The following ARFGEF3 variants were observed in gnomAD, a reference collection of about 807,000 sequenced individuals.
ARFGEF3 encodes the protein brefeldin A-inhibited guanine nucleotide-exchange protein 3.
A neutral mutation model predicts 221.7 loss-of-function variants in ARFGEF3; 96 were observed. That is an observed-to-expected ratio of 0.43 (90% confidence interval 0.37 to 0.51). The LOEUF is 0.51. Among genes scored for constraint, ARFGEF3 ranks in the 20% least tolerant of loss-of-function variants. ARFGEF3 has a pLI of 0.00. For synonymous variants in ARFGEF3, 1,145 were observed against 1,126.8 expected, an observed-to-expected ratio of 1.02 and a Z score of -0.32; for missense variants, 2,410 against 2,789.9, an observed-to-expected ratio of 0.86 and a Z score of 3.07.
At chr6:138,245,114 C>T (rs140616972) in intron 7 of ARFGEF3, among the ~76,000 whole-genome samples, 1,953 of 152,172 alleles carry the variant, frequency 0.013, 42 homozygotes, top group African/African-American at 0.044. Context: ...CTAGCCTGGC[C>T]AACATAGTGA....
chr6:138,199,475 C>T (rs1777493889), intron 2 of ARFGEF3, among the ~76,000 whole-genome samples: 2 of 152,196 alleles, frequency 1.3e-5, no homozygotes, highest in South Asian at 2.1e-4. Context: ...TTAAAGTTCG[C>T]ATTTTCCCAA....
In ARFGEF3 at chr6:138,334,799, G is replaced by A. The variant is rs771574519; in HGVS notation, c.5953G>A (p.Asp1985Asn). 71 of 1,604,724 alleles carry A rather than the reference G, an allele frequency of 4.4e-5. No homozygotes were observed. The highest frequency in any genetic ancestry group is 5.7e-5 in the Non-Finnish European group (67 of 1,175,952). Residue 1985 changes from aspartate to asparagine, a missense_variant, in exon 33 of 34, where the codon GAC becomes AAC. Asp to Asn is a conservative substitution (Grantham distance 23). This residue lies in a region of ARFGEF3 where 339 missense variants were observed against 334.9 expected (regional missense o/e 1.01). Transcript: ENST00000251691. This position sits in a 1 kb window ranked among gnomAD's most constrained non-coding sequence, Gnocchi z 5.1. The stretch of plus-strand genomic sequence containing the variant: ...CCTGAGCCTGAAGGCCGGTGGTGGG[G>A]ACCTGCTGCTGCCCCCCAGCCCCAA... Reference protein sequence around the residue: ...ESLSLKAGGGDLLLPPSPKVE... With the variant: ...ESLSLKAGGGNLLLPPSPKVE...
intron 4 of ARFGEF3, among the ~76,000 whole-genome samples, chr6:138,221,507 G>A (rs1248771353): frequency 1.3e-5 from 2 of 152,204 alleles, no homozygotes; most frequent in Non-Finnish European, 2.9e-5. Flanking sequence ...ATTACAACCT[G>A]GGGAAAATGT....
At chr6:138,296,088 C>T (rs1779513727) in intron 20 of ARFGEF3, among the ~76,000 whole-genome samples, 9 of 152,068 alleles carry the variant, frequency 5.9e-5, no homozygotes, top group Admixed American at 5.9e-4. Flanking sequence ...AGTTTCTCAC[C>T]CTAGTTCAAG....
chr6:138,275,376 A>G (rs563460398), intron 12 of ARFGEF3, among the ~76,000 whole-genome samples: 2 of 152,306 alleles, frequency 1.3e-5, no homozygotes, highest in African/African-American at 4.8e-5. Flanking sequence ...TACTGCCCTC[A>G]AATATGGCAG....
chr6:138,228,610 T>C (rs1778135337), intron 4 of ARFGEF3, among the ~76,000 whole-genome samples: 1 of 152,190 alleles, frequency 6.6e-6, no homozygotes, highest in Admixed American at 6.5e-5. Flanking sequence ...AAAAAATCTT[T>C]TTTACCCCCC....
intron 2 of ARFGEF3, among the ~76,000 whole-genome samples, chr6:138,196,347 T>C (rs1347608541): frequency 6.6e-6 from 1 of 152,268 alleles, no homozygotes; most frequent in South Asian, 2.1e-4. Context: ...ACACCTAGGC[T>C]GTAGGCCTAT....
intron 12 of ARFGEF3, among the ~76,000 whole-genome samples, chr6:138,274,454 C>G (rs1474416610): frequency 6.6e-6 from 1 of 152,168 alleles, no homozygotes; most frequent in African/African-American, 2.4e-5. Flanking sequence ...CATGTTCTAA[C>G]CAAGGATGTA....
rs868226098 is a variant in ARFGEF3 at position 138,337,394 on chromosome 6, C to T, written c.*908C>T. The stretch of plus-strand genomic sequence containing the variant: ...TTTCCATGCCCCACAATTGTCTGAA[C>T]ATAAGGTATAGCATTTGGTTTTTAA... On this transcript the variant is annotated 3_prime_UTR_variant, in exon 34 of 34. Transcript: ENST00000251691. The T allele has an allele frequency of 2.6e-5, 4 of 152,568 alleles. No homozygotes were observed. Among genetic ancestry groups the T allele is most frequent in the African/African-American group, 9.7e-5 (4 of 41,406 alleles). The allele number at this position is 152,568 out of a possible 1,614,324, so 9.5% of individuals were successfully genotyped here. A position where few individuals can be genotyped will look rare whatever the true frequency, so the allele number is the denominator to read the frequency against.
chr6:138,328,242 T>G, intron 32 of ARFGEF3, 100 bp downstream of exon 32: 4 of 1,341,532 alleles, frequency 3.0e-6, no homozygotes, highest in Non-Finnish European at 4.0e-6. Context: ...CCAGAAATAC[T>G]GAAAACATTT....
intron 17 of ARFGEF3, among the ~76,000 whole-genome samples, chr6:138,288,326 A>C (rs1779333559): frequency 6.6e-6 from 1 of 152,160 alleles, no homozygotes; most frequent in Admixed American, 6.5e-5. Flanking sequence ...TTCAGGCTGC[A>C]GTGAGCAATA....
intron 2 of ARFGEF3, among the ~76,000 whole-genome samples, chr6:138,193,766 A>C (rs747301562): frequency 6.6e-6 from 1 of 152,238 alleles, no homozygotes; most frequent in African/African-American, 2.4e-5. Context: ...AAATTATAAT[A>C]CATCTATTTA....
intron 10 of ARFGEF3, among the ~76,000 whole-genome samples, chr6:138,258,230 C>T (rs951937441): frequency 8.5e-5 from 13 of 152,194 alleles, no homozygotes; most frequent in African/African-American, 2.9e-4. Context: ...TCAATTCCCA[C>T]CTCCCCGCCT....
At chr6:138,190,739 G>A (rs944697780) in intron 2 of ARFGEF3, among the ~76,000 whole-genome samples, 2 of 152,170 alleles carry the variant, frequency 1.3e-5, no homozygotes, top group Non-Finnish European at 2.9e-5. Flanking sequence ...GGGGATTATT[G>A]CAGTGGTGCC....
intron 32 of ARFGEF3, among the ~76,000 whole-genome samples, chr6:138,331,777 G>T (rs1396490176): frequency 6.6e-6 from 1 of 151,854 alleles, no homozygotes; most frequent in Non-Finnish European, 1.5e-5. Context: ...AAAGTTATTT[G>T]TTGATTTTGT....
intron 4 of ARFGEF3, among the ~76,000 whole-genome samples, chr6:138,211,224 T>G (rs1401577732): frequency 6.6e-6 from 1 of 152,236 alleles, no homozygotes; most frequent in Non-Finnish European, 1.5e-5. Context: ...ATATCACTAC[T>G]TGTACCACTA....
intron 8 of ARFGEF3, among the ~76,000 whole-genome samples, chr6:138,253,447 G>A (rs1583033175): frequency 6.6e-6 from 1 of 152,190 alleles, no homozygotes. Context: ...CAAGGCGTCA[G>A]TGGGGTTGGT....
At chr6:138,305,402 A>C (rs1379695704) in intron 22 of ARFGEF3, among the ~76,000 whole-genome samples, 1 of 152,058 alleles carries the variant, frequency 6.6e-6, no homozygotes, top group Non-Finnish European at 1.5e-5. Flanking sequence ...GGAGTTCGAG[A>C]CCATGCCAGG....
intron 2 of ARFGEF3, among the ~76,000 whole-genome samples, chr6:138,186,400 C>G (rs575642878): frequency 6.6e-6 from 1 of 152,192 alleles, no homozygotes; most frequent in Non-Finnish European, 1.5e-5. Flanking sequence ...TTATATGTGA[C>G]TCTTCATGCA....
Sources: allele counts gnomAD v4.1 joint callset (sites outside exome capture counted in the v4.1 genomes callset), GRCh38; gene constraint gnomAD v4.1.1; regional missense constraint gnomAD v4.1.1; non-coding constraint Gnocchi (gnomAD v3.1); transcripts MANE v1.5; gene names NCBI Gene and HGNC (gene_info 2026-07-23, HGNC 2026-07-21).